Variants in ITGB6 observed in about 807,000 individuals in gnomAD.
ITGB6 encodes the protein integrin subunit beta 6.
Under a neutral mutation model 84.5 loss-of-function variants are expected in ITGB6, and 80 were observed. The ratio of observed to expected loss-of-function variants is 0.95; its 90% CI spans 0.79 to 1.14. ITGB6 has a LOEUF of 1.14. ITGB6 is among the 50% of genes most tolerant of loss of function. The probability of loss-of-function intolerance (pLI) is 0.00; values close to 1 mark genes in which losing one functional copy is unlikely to be tolerated. For synonymous variants in ITGB6, 383 were observed against 354.9 expected (o/e 1.08, Z -0.89); for missense variants, 1,006 against 968.0 (o/e 1.04, Z -0.52).
At position 160,152,215 on chromosome 2, in the gene ITGB6, C is replaced by T. The variant is rs77875881; in HGVS notation, c.1018-10144G>A. Among the ~76,000 whole-genome samples, 1,329 of 152,216 alleles carry T rather than the reference C, an allele frequency of 8.7e-3. 27 individuals are homozygous for T. The highest frequency in any genetic ancestry group is 0.031 in the African/African-American group (1,283 of 41,550). On this transcript the variant is annotated intron_variant, in intron 7 of 14. Transcript: ENST00000283249. ...AATCCTCAATAAAATACTGGCAAAC[C>T]AAATCCAGCAGCACATCAAAAAAGC... is the stretch of plus-strand genomic sequence containing the variant.
In ITGB6 at chr2:160,169,067, G is replaced by A. The variant is rs140038455; in HGVS notation, c.1017+145C>T. On this transcript the variant is annotated intron_variant, in intron 7 of 14. Coordinates refer to ENST00000283249, the MANE Select transcript of ITGB6 (RefSeq NM_000888.5). ...AATTTAAATTGCAAGCAGTAAATGA[G>A]TCCACTTAGCCAAGCGCCCAGTACA... is the stretch of plus-strand genomic sequence containing the variant. 236 of 543,274 alleles carry A rather than the reference G, an allele frequency of 4.3e-4. 1 individual carries two copies. The highest frequency in any genetic ancestry group is 4.2e-3 in the African/African-American group (225 of 53,096). 33.7% of individuals were successfully genotyped at this position (543,274 alleles called of 1,614,324 possible).
intron 4 of ITGB6, among the ~76,000 whole-genome samples, chr2:160,190,970 G>A (rs1040815602): frequency 1.1e-4 from 17 of 152,138 alleles, no homozygotes; most frequent in African/African-American, 4.1e-4. Context: ...AGTTGGAATT[G>A]CCCTACTAAT....
chr2:160,101,836 T>A lies in ITGB6; in HGVS notation c.2269-2A>T. On this transcript the variant is annotated splice_acceptor_variant, in intron 14 of 14. Coordinates refer to ENST00000283249, the MANE Select transcript of ITGB6 (RefSeq NM_000888.5). LOFTEE classifies it high-confidence loss of function. Reference sequence around the variant, plus strand: ...TCCTCTGTAGAGTGGATTGGTTCCCTGGAAAAAAAAAAAAGATTCAAGTGA... The same window carrying A: ...TCCTCTGTAGAGTGGATTGGTTCCCAGGAAAAAAAAAAAAGATTCAAGTGA... 7.5e-7 allele frequency: 1 copy of A among 1,335,392 alleles called. No homozygotes were observed. Among genetic ancestry groups the A allele is most frequent in the Non-Finnish European group, 9.9e-7 (1 of 1,008,696 alleles). 82.7% of individuals were successfully genotyped at this position (1,335,392 alleles called of 1,614,324 possible). A position where few individuals can be genotyped will look rare whatever the true frequency, so the allele number is the denominator to read the frequency against.
chr2:160,141,007 C>T (rs1482437734), intron 8 of ITGB6, among the ~76,000 whole-genome samples: 3 of 151,980 alleles, frequency 2.0e-5, no homozygotes, highest in South Asian at 2.1e-4. Flanking sequence ...GATTCTGATA[C>T]GTCGTTTTAG....
Position 160,107,861 on chromosome 2 carries a change from A to C in ITGB6, c.2102-16T>G. 6.4e-7 allele frequency: 1 copy of C among 1,561,008 alleles called. No homozygotes were observed. Among genetic ancestry groups the C allele is most frequent in the South Asian group, 1.2e-5 (1 of 83,214 alleles). On this transcript the variant is annotated splice_polypyrimidine_tract_variant and intron_variant, in intron 13 of 14. Transcript: ENST00000283249. ...TTCGGACAATCTGCAGAAATAAAGA[A>C]AATTATAAGAAGGTGGTAAAATCAA...
chr2:160,161,962 A>G (rs2105853241), intron 7 of ITGB6, among the ~76,000 whole-genome samples: 1 of 152,344 alleles, frequency 6.6e-6, no homozygotes, highest in East Asian at 1.9e-4. Flanking sequence ...AAGTGATCTG[A>G]TGCCCTCACT....
chr2:160,175,311 C>T (rs995279804), intron 4 of ITGB6, among the ~76,000 whole-genome samples: 2 of 152,174 alleles, frequency 1.3e-5, no homozygotes, highest in African/African-American at 4.8e-5. Context: ...CACCTAGTTG[C>T]TAAGATTTAT....
Position 160,126,476 on chromosome 2 carries a change from C to T in ITGB6, c.1786G>A (p.Asp596Asn). ...EDGVLCSGRG[D>N]CVCGKCVCTN... is the part of the protein sequence containing the mutation. ...CAAACACACTTGCCACAAACACAGT[C>T]CCCGCGCCCGCTGCAGAGCACTCCA... The change falls in exon 11 of 15, where the codon GAC becomes AAC. Residue 596 changes from aspartate (D) to asparagine (N), a missense_variant. Physicochemically the swap from Asp to Asn is conservative, Grantham distance 23. Coordinates refer to ENST00000283249, the MANE Select transcript of ITGB6 (RefSeq NM_000888.5). 6.2e-7 allele frequency: 1 copy of T among 1,614,154 alleles called. No individual in the cohort carries two copies. The highest frequency in any genetic ancestry group is 8.5e-7 in the Non-Finnish European group (1 of 1,180,026).
At chr2:160,164,047 T>G (rs755260180) in intron 7 of ITGB6, among the ~76,000 whole-genome samples, 1 of 152,182 alleles carries the variant, frequency 6.6e-6, no homozygotes, top group Non-Finnish European at 1.5e-5. Flanking sequence ...ATAGGAAAGA[T>G]AGTGAATAGA....
intron 6 of ITGB6, among the ~76,000 whole-genome samples, chr2:160,171,873 C>G (rs1333883645): frequency 6.6e-6 from 1 of 152,128 alleles, no homozygotes; most frequent in African/African-American, 2.4e-5. Context: ...AATGACTGAA[C>G]TGGCTTTTCA....
intron 12 of ITGB6, among the ~76,000 whole-genome samples, chr2:160,122,289 C>G (rs371598684): frequency 3.9e-5 from 6 of 152,224 alleles, no homozygotes; most frequent in African/African-American, 1.4e-4. Flanking sequence ...CCAATCTCAG[C>G]ATTTATGATA....
chr2:160,191,221 G>C (rs1206886910), intron 4 of ITGB6, among the ~76,000 whole-genome samples: 2 of 152,124 alleles, frequency 1.3e-5, no homozygotes, highest in African/African-American at 4.8e-5. Context: ...GAGGGTATAA[G>C]TCTTTATAAC....
intron 7 of ITGB6, among the ~76,000 whole-genome samples, chr2:160,148,063 C>G (rs559109081): frequency 6.6e-6 from 1 of 152,096 alleles, no homozygotes; most frequent in South Asian, 2.1e-4. Flanking sequence ...TTGCAAAATA[C>G]ACATCTACTA....
chr2:160,126,074 G>T (rs895235049), intron 11 of ITGB6, among the ~76,000 whole-genome samples: 1 of 152,178 alleles, frequency 6.6e-6, no homozygotes, highest in Admixed American at 6.5e-5. Context: ...TGTGTGGCTG[G>T]TATTGTAATG....
Position 160,107,851 on chromosome 2 carries a change from G to A in ITGB6, c.2102-6C>T. The A allele has an allele frequency of 1.3e-6, 2 of 1,565,374 alleles. No homozygotes were observed. The highest frequency in any genetic ancestry group is 1.7e-6 in the Non-Finnish European group (2 of 1,149,998). ...GTTTGGAGGCTTCGGACAATCTGCA[G>A]AAATAAAGAAAATTATAAGAAGGTG... is the stretch of plus-strand genomic sequence containing the variant. On this transcript the variant is annotated splice_polypyrimidine_tract_variant and splice_region_variant and intron_variant, in intron 13 of 14. Coordinates refer to ENST00000283249, the MANE Select transcript of ITGB6 (RefSeq NM_000888.5).
At chr2:160,177,785 G>T (rs1361984195) in intron 4 of ITGB6, among the ~76,000 whole-genome samples, 1 of 152,082 alleles carries the variant, frequency 6.6e-6, no homozygotes, top group Non-Finnish European at 1.5e-5. Flanking sequence ...TGACAATAAT[G>T]CAGTATATTT....
chr2:160,129,326 C>T (rs1416796229), intron 10 of ITGB6, among the ~76,000 whole-genome samples: 1 of 145,676 alleles, frequency 6.9e-6, no homozygotes, highest in Non-Finnish European at 1.5e-5. Flanking sequence ...AAGACACTAA[C>T]ATAGGTGTTG....
chr2:160,123,300 G>A (rs917273425), intron 12 of ITGB6, among the ~76,000 whole-genome samples: 2 of 152,096 alleles, frequency 1.3e-5, no homozygotes, highest in Non-Finnish European at 2.9e-5. Context: ...TGGAAGGTTG[G>A]GAATAAAAGT....
In ITGB6 at chr2:160,196,316, T is replaced by C. The variant is rs1686334082; in HGVS notation, c.246A>G (p.Val82=). The change falls in exon 3 of 15, where the codon GTA becomes GTG. Residue 82 remains valine (V), a synonymous_variant. Transcript: ENST00000283249. ...TGAGAGGCTTATTTTTAAGTATTTC[T>C]ACTTGGGAGACAGGGTTTTCGATGA... The part of the protein sequence containing the change: ...LNFIENPVSQ[V]EILKNKPLSV... 2 of 1,614,000 alleles carry C rather than the reference T, an allele frequency of 1.2e-6. No homozygotes were observed. The highest frequency in any genetic ancestry group is 1.3e-5 in the African/African-American group (1 of 74,934).
Sources: allele counts gnomAD v4.1 joint callset (sites outside exome capture counted in the v4.1 genomes callset), GRCh38; gene constraint gnomAD v4.1.1; transcripts MANE v1.5; gene names NCBI Gene and HGNC (gene_info 2026-07-23, HGNC 2026-07-21).